The following FBXO10 variants were observed in gnomAD, a reference collection of about 807,000 sequenced individuals.
The protein encoded by FBXO10 is F-box only protein 10.
A neutral mutation model predicts 80.7 loss-of-function variants in FBXO10; 39 were observed. The ratio of observed to expected loss-of-function variants is 0.48; its 90% confidence interval spans 0.37 to 0.63. The LOEUF is 0.63. Among genes scored for constraint, FBXO10 ranks in the 30% least tolerant of loss-of-function variants. FBXO10 has a pLI of 0.00. For synonymous variants in FBXO10, 449 were observed against 489.6 expected, an observed-to-expected ratio of 0.92 and a Z score of 1.09; for missense variants, 1,025 against 1,269.0, an observed-to-expected ratio of 0.81 and a Z score of 2.92.
intron 4 of FBXO10, 74 bp downstream of exon 4, chr9:37,531,835 G>A (rs117160710): frequency 3.9e-6 from 6 of 1,541,864 alleles, no homozygotes; most frequent in Admixed American, 1.7e-5. Context: ...AGAGGGCAAC[G>A]TGTATTTAAA....
intron 1 of FBXO10, among the ~76,000 whole-genome samples, chr9:37,554,295 C>G (rs1225625907): frequency 6.6e-6 from 1 of 152,144 alleles, no homozygotes; most frequent in African/African-American, 2.4e-5. Flanking sequence ...TGTATCATGT[C>G]AAAAATGTTA....
intron 1 of FBXO10, among the ~76,000 whole-genome samples, chr9:37,556,472 T>C (rs1822337607): frequency 6.6e-6 from 1 of 152,014 alleles, no homozygotes; most frequent in Admixed American, 6.6e-5. Context: ...CTTTCTCCAT[T>C]GAACTGCTTT....
chr9:37,571,037 T>C (rs1396058023), intron 1 of FBXO10, among the ~76,000 whole-genome samples: 1 of 150,910 alleles, frequency 6.6e-6, no homozygotes, highest in Non-Finnish European at 1.5e-5. Context: ...TAAGTAAATA[T>C]GAAGGGATAA....
intron 1 of FBXO10, among the ~76,000 whole-genome samples, chr9:37,568,882 C>T (rs1295639342): frequency 2.0e-5 from 3 of 152,068 alleles, no homozygotes; most frequent in Non-Finnish European, 4.4e-5. Flanking sequence ...AAGTGTATAA[C>T]ATCCACATTA....
At chr9:37,524,643 C>A (rs1253287202) in intron 6 of FBXO10, among the ~76,000 whole-genome samples, 1 of 152,072 alleles carries the variant, frequency 6.6e-6, no homozygotes, top group African/African-American at 2.4e-5. Context: ...AGTCAAAGGC[C>A]CTAGAGAGGA....
chr9:37,575,133 G>GT (rs892437367), intron 1 of FBXO10, among the ~76,000 whole-genome samples: 47 of 148,666 alleles, frequency 3.2e-4, no homozygotes, highest in East Asian at 1.4e-3. Flanking sequence ...ACCGTACTGT[G>GT]TTTTTTTTTT....
intron 5 of FBXO10, among the ~76,000 whole-genome samples, chr9:37,526,821 TTTTATTTATTTA>T (rs57803639): frequency 0.028 from 3,940 of 139,766 alleles, 177 homozygotes; most frequent in African/African-American, 0.093. Flanking sequence ...TTTTAAAATA[TTTTATTTATTTA>T]TTTATTTATT....
intron 1 of FBXO10, among the ~76,000 whole-genome samples, chr9:37,571,460 A>G (rs957029043): frequency 6.6e-6 from 1 of 152,066 alleles, no homozygotes; most frequent in Non-Finnish European, 1.5e-5. Flanking sequence ...CATCCAGATC[A>G]TCTTTACTGG....
At chr9:37,534,424 G>T (rs183401970) in intron 3 of FBXO10, among the ~76,000 whole-genome samples, 1 of 152,094 alleles carries the variant, frequency 6.6e-6, no homozygotes, top group Non-Finnish European at 1.5e-5. Flanking sequence ...TCGTGCCACT[G>T]CAGTCCGGCC....
At chr9:37,540,016 T>C (rs1821870618) in intron 2 of FBXO10, among the ~76,000 whole-genome samples, 1 of 152,006 alleles carries the variant, frequency 6.6e-6, no homozygotes, top group Non-Finnish European at 1.5e-5. Flanking sequence ...ATCTATAAAA[T>C]CAGATGACAT....
At chr9:37,520,655 C>T (rs987481936) in intron 8 of FBXO10, among the ~76,000 whole-genome samples, 16 of 151,876 alleles carry the variant, frequency 1.1e-4, no homozygotes, top group Non-Finnish European at 2.1e-4. Context: ...TGATCCCTGG[C>T]ACCTGGCCTC....
chr9:37,518,632 A>C (rs1396332252), intron 8 of FBXO10, among the ~76,000 whole-genome samples, 194 bp from the exon 9 acceptor site: 1 of 152,194 alleles, frequency 6.6e-6, no homozygotes, highest in African/African-American at 2.4e-5. Context: ...CAGGTGCGTC[A>C]ACAAAACTCT....
intron 1 of FBXO10, chr9:37,575,546 A>G (rs1314667476): frequency 1.3e-5 from 2 of 152,234 alleles, no homozygotes; most frequent in Non-Finnish European, 2.9e-5. Context: ...TGAGGAATCA[A>G]TCTGGCTGAA....
rs373482094 is a variant in FBXO10, at chr9:37,512,730, G to A, written c.2697-9C>T. ...GGCGCCACGTATCAGACCTGGAGGT[G>A]CAAAACGAAAGTCAGTGAACTTCTG... is the stretch of plus-strand genomic sequence containing the variant. On this transcript the variant is annotated splice_polypyrimidine_tract_variant and intron_variant, in intron 10 of 10. Coordinates refer to ENST00000432825, the MANE Select transcript of FBXO10 (RefSeq NM_012166.3). 2.7e-5 allele frequency: 43 copies of A among 1,611,170 alleles called. No homozygotes were observed. The highest frequency in any genetic ancestry group is 3.6e-5 in the Non-Finnish European group (42 of 1,178,160).
chr9:37,526,181 T>C (rs1821466299), intron 5 of FBXO10, among the ~76,000 whole-genome samples: 1 of 152,140 alleles, frequency 6.6e-6, no homozygotes. Flanking sequence ...GGATGGGATA[T>C]TAACTGCAGA....
At chr9:37,546,034 T>C (rs1005502980) in intron 1 of FBXO10, among the ~76,000 whole-genome samples, 2 of 151,788 alleles carry the variant, frequency 1.3e-5, no homozygotes, top group African/African-American at 4.8e-5. Context: ...TAATCCCAGC[T>C]ACTTGGGAGG....
intron 1 of FBXO10, among the ~76,000 whole-genome samples, chr9:37,565,545 C>A (rs1308027704): frequency 1.3e-5 from 2 of 152,184 alleles, no homozygotes; most frequent in African/African-American, 4.8e-5. Flanking sequence ...TTAGAAGTGG[C>A]AGACATTGGG....
At chr9:37,517,842 C>T (rs1821224957) in intron 9 of FBXO10, among the ~76,000 whole-genome samples, 1 of 152,178 alleles carries the variant, frequency 6.6e-6, no homozygotes, top group Admixed American at 6.5e-5. Flanking sequence ...ACCCGGAGAC[C>T]ATGAAGATAA....
In FBXO10 at chr9:37,571,808, T is replaced by C. The variant is rs542615402; in HGVS notation, c.-7+4403A>G. On this transcript the variant is annotated intron_variant, in intron 1 of 10. Transcript: ENST00000432825. ...AATGGCAAGAGACATGAATAGACAG[T>C]TCACAAAAGAGGCAATCCAATTAAC... 2.9e-5 allele frequency among the ~76,000 whole-genome samples: 4 copies of C among 139,630 alleles called. No individual in the cohort carries two copies. The South Asian group carries it at 9.0e-4, about 31-fold the overall frequency. The allele number at this position is 139,630 out of a possible 152,430, so 91.6% of individuals were successfully genotyped here.
Sources: gnomAD v4.1 joint callset for allele counts (sites outside exome capture counted in the v4.1 genomes callset) on GRCh38, gnomAD v4.1.1 for gene constraint, MANE v1.5 for transcripts, NCBI Gene and HGNC (gene_info 2026-07-23, HGNC 2026-07-21) for gene names.